SPATA22: variants seen among roughly 807,000 people sequenced by gnomAD.
SPATA22 encodes the protein spermatogenesis-associated protein 22.
SPATA22 carries 29 observed loss-of-function variants against 47.8 expected under a neutral mutation model. The observed-to-expected ratio is 0.61, with a 90% CI of 0.45 to 0.83. The LOEUF is 0.83. Among genes scored for constraint, SPATA22 ranks in the 40% least tolerant of loss-of-function variants. The probability of loss-of-function intolerance (pLI) is 0.00; values close to 1 mark genes in which losing one functional copy is unlikely to be tolerated. For missense variants in SPATA22, 410 were observed against 421.7 expected (o/e 0.97, Z 0.24); for synonymous variants, 133 against 140.9 (o/e 0.94, Z 0.40).
rs144410076 is a variant in SPATA22, at chr17:3,467,288, A to C, written c.172+138T>G. ...AACTCCTGACCTGGAATGTTCAGAA[A>C]GTGCTATGTAATTTCTATATGTGGA... On this transcript the variant is annotated intron_variant, in intron 3 of 8. Transcript: ENST00000572969. The C allele has an allele frequency of 5.1e-5, 33 of 652,226 alleles. No individual in the cohort carries two copies. The East Asian group carries it at 1.0e-3, about 20-fold the overall frequency. The allele number at this position is 652,226 out of a possible 1,614,324, so 40.4% of individuals were successfully genotyped here.
chr17:3,496,523 T>C lies in SPATA22; in HGVS notation c.-74+16889A>G, dbSNP rs555234519. On this transcript the variant is annotated intron_variant, in intron 1 of 8. Coordinates refer to the SPATA22 transcript ENST00000541913. ...GAGGCTGGAACAAACTTGGAGCATC[T>C]GAGGAACAGCAAGAAGACCCATATC... Among the ~76,000 whole-genome samples, 3 of 152,198 alleles carry C rather than the reference T, an allele frequency of 2.0e-5. No homozygotes were observed. In the East Asian group the frequency reaches 5.8e-4, roughly 29 times the overall value.
At chr17:3,478,857 C>T (rs1388763137) in intron 1 of SPATA22, among the ~76,000 whole-genome samples, 1 of 152,216 alleles carries the variant, frequency 6.6e-6, no homozygotes, top group Non-Finnish European at 1.5e-5. Flanking sequence ...CTAGAACCTT[C>T]CCAGTCCTTT....
chr17:3,478,388 T>A lies in SPATA22; in HGVS notation c.-73-8990A>T, dbSNP rs1365987858. On this transcript the variant is annotated intron_variant, in intron 1 of 8. Transcript: ENST00000541913. Reference sequence around the variant, plus strand: ...GTTTTTCAGGGCAATTATACTGCAGTCATCCTGTTTGTATCAAATCATATT... The same window carrying A: ...GTTTTTCAGGGCAATTATACTGCAGACATCCTGTTTGTATCAAATCATATT... 2.0e-5 allele frequency among the ~76,000 whole-genome samples: 3 copies of A among 152,206 alleles called. No individual in the cohort carries two copies. In the East Asian group the frequency reaches 5.8e-4, roughly 29 times the overall value.
chr17:3,467,639 T>C, intron 2 of SPATA22, 85 bp from the exon 3 acceptor site: 1 of 1,036,568 alleles, frequency 9.6e-7, no homozygotes, highest in East Asian at 2.9e-5. Flanking sequence ...TAATACACAC[T>C]TTACATTTAT....
upstream of SPATA22, chr17:3,476,309 A>G (rs763718422): frequency 1.9e-6 from 3 of 1,614,188 alleles, no homozygotes; most frequent in East Asian, 2.2e-5. Flanking sequence ...AGGTAAAACC[A>G]TTTATTACTA....
rs540971651 is a variant in SPATA22 at position 3,456,374 on chromosome 17, C to T, written c.329+6109G>A. ...AAAATGATAAAGGGGATATCACCAC[C>T]GATCCCACAGAAATACAAACTACCA... On this transcript the variant is annotated intron_variant, in intron 5 of 8. Transcript: ENST00000572969. Among the ~76,000 whole-genome samples the T allele has an allele frequency of 2.1e-3, 312 of 148,076 alleles. 1 individual carries two copies. Among genetic ancestry groups the T allele is most frequent in the African/African-American group, 7.3e-3 (294 of 40,224 alleles).
At chr17:3,499,649 A>G (rs2073967073) in intron 1 of SPATA22, 1 of 152,254 alleles carries the variant, frequency 6.6e-6, no homozygotes, top group Non-Finnish European at 1.5e-5. Context: ...ACTGTTGTTA[A>G]GTGTTTTGGG....
chr17:3,447,148 T>A (rs1027101645), intron 6 of SPATA22, among the ~76,000 whole-genome samples: 5 of 151,990 alleles, frequency 3.3e-5, no homozygotes, highest in African/African-American at 4.8e-5. Flanking sequence ...ACTTTTTTTT[T>A]AGGAAAAAAA....
upstream of SPATA22, among the ~76,000 whole-genome samples, chr17:3,472,735 T>G (rs533139537): frequency 1.3e-5 from 2 of 152,272 alleles, no homozygotes; most frequent in South Asian, 4.2e-4. Flanking sequence ...AGGGAAGGGC[T>G]TAGAGATGAA....
chr17:3,464,890 G>T (rs2073248583), intron 3 of SPATA22, among the ~76,000 whole-genome samples: 3 of 84,686 alleles, frequency 3.5e-5, no homozygotes, highest in African/African-American at 1.0e-4. Context: ...GAGGGGGGTG[G>T]GGGGGGGTCA....
chr17:3,441,390 T>C (rs2072594850), intron 8 of SPATA22: 1 of 151,840 alleles, frequency 6.6e-6, no homozygotes, highest in Non-Finnish European at 1.5e-5. Context: ...AAAAAAGATA[T>C]CTAAATAGCA....
upstream of SPATA22, chr17:3,475,970 A>C (rs892237861): frequency 6.6e-6 from 4 of 609,896 alleles, no homozygotes; most frequent in Admixed American, 1.1e-4. Context: ...GCAGGGCTAA[A>C]GAAGGGAGTG....
chr17:3,497,291 C>T (rs959738784), intron 1 of SPATA22, among the ~76,000 whole-genome samples: 1 of 152,082 alleles, frequency 6.6e-6, no homozygotes, highest in Non-Finnish European at 1.5e-5. Context: ...GAAAAACCAC[C>T]GGTTCAGAGA....
intron 1 of SPATA22, among the ~76,000 whole-genome samples, chr17:3,477,484 G>A (rs139132692): frequency 2.6e-4 from 39 of 151,770 alleles, no homozygotes; most frequent in East Asian, 2.3e-3. Flanking sequence ...ATGGAGTTTC[G>A]CTCTTGTTGC....
At chr17:3,483,729 C>A in intron 1 of SPATA22, 1 of 786,274 alleles carries the variant, frequency 1.3e-6, no homozygotes, top group South Asian at 1.5e-5. Context: ...ATGGTGTGAT[C>A]TCAGCTCACT....
chr17:3,476,524 G>A (rs2073526435), upstream of SPATA22: 1 of 869,950 alleles, frequency 1.1e-6, no homozygotes, highest in Admixed American at 2.0e-5. Flanking sequence ...TGTTGAATAA[G>A]ATCACTTTCA....
intron 7 of SPATA22, among the ~76,000 whole-genome samples, chr17:3,444,125 A>G (rs1017295488): frequency 2.0e-5 from 3 of 152,056 alleles, no homozygotes; most frequent in African/African-American, 7.2e-5. Context: ...AGAAACTATT[A>G]TGAAGTGACA....
In SPATA22 at chr17:3,512,977, C is replaced by T. The variant is rs10852861; in HGVS notation, c.-74+435G>A. Reference sequence around the variant, plus strand: ...AAGCCACGATCCCAGCACACAGGCACGCGCTACTGTGAGGTCAGGACGAGG... The same window carrying T: ...AAGCCACGATCCCAGCACACAGGCATGCGCTACTGTGAGGTCAGGACGAGG... On this transcript the variant is annotated intron_variant, in intron 1 of 8. Coordinates refer to the SPATA22 transcript ENST00000541913. The T allele has an allele frequency of 0.93, 141,689 of 152,194 alleles. 66,792 individuals carry two copies. Among genetic ancestry groups the T allele is most frequent in the East Asian group, 1 (5,178 of 5,178 alleles). 9.4% of individuals were successfully genotyped at this position (152,194 alleles called of 1,614,324 possible).
At chr17:3,474,457 C>T (rs890333433), upstream of SPATA22, among the ~76,000 whole-genome samples, 2 of 152,170 alleles carry the variant, frequency 1.3e-5, no homozygotes, top group African/African-American at 4.8e-5. Flanking sequence ...ATGGTTACTG[C>T]TCTTAAAACC....
Sources: gnomAD v4.1 joint callset for allele counts (sites outside exome capture counted in the v4.1 genomes callset) on GRCh38, gnomAD v4.1.1 for gene constraint, MANE v1.5 for transcripts, NCBI Gene and HGNC (gene_info 2026-07-23, HGNC 2026-07-21) for gene names.